Variants in KCNIP4 observed in about 807,000 individuals in gnomAD.
The protein encoded by KCNIP4 is potassium voltage-gated channel interacting protein 4.
KCNIP4 carries 12 observed loss-of-function variants against 34.0 expected under a neutral mutation model. The observed-to-expected ratio is 0.35, with a 90% confidence interval of 0.23 to 0.57. The LOEUF (loss-of-function observed/expected upper bound fraction) is 0.57, where lower values mean the gene tolerates loss of function less well. Among genes scored for constraint, KCNIP4 ranks in the 20% least tolerant of loss-of-function variants. The probability of loss-of-function intolerance (pLI) is 0.83; values close to 1 mark genes in which losing one functional copy is unlikely to be tolerated. For missense variants in KCNIP4, 238 were observed against 311.7 expected (o/e 0.76, Z 1.78); for synonymous variants, 124 against 102.2 (o/e 1.21, Z -1.29).
At chr4:21,220,735 T>C (rs961505260) in intron 1 of KCNIP4, among the ~76,000 whole-genome samples, 15 of 152,154 alleles carry the variant, frequency 9.9e-5, no homozygotes, top group Non-Finnish European at 1.3e-4. Context: ...GGTGACATTA[T>C]TTTAGCTGCT....
At chr4:21,250,853 T>C (rs1429022171) in intron 1 of KCNIP4, among the ~76,000 whole-genome samples, 2 of 150,920 alleles carry the variant, frequency 1.3e-5, no homozygotes, top group East Asian at 1.9e-4. Flanking sequence ...ATCAAACATA[T>C]GTTAAAATAG....
intron 1 of KCNIP4, among the ~76,000 whole-genome samples, chr4:20,998,607 T>C (rs1737787010): frequency 6.6e-6 from 1 of 152,246 alleles, no homozygotes; most frequent in Admixed American, 6.5e-5. Context: ...TGAAGTTGTC[T>C]TCAAGTCTGA....
intron 1 of KCNIP4, among the ~76,000 whole-genome samples, chr4:21,413,384 A>G (rs1055231767): frequency 1.3e-5 from 2 of 152,192 alleles, no homozygotes; most frequent in East Asian, 3.9e-4. Flanking sequence ...ACATGAACCA[A>G]TAAATGCTTT....
intron 1 of KCNIP4, among the ~76,000 whole-genome samples, chr4:21,494,486 A>G (rs181222084): frequency 4.5e-4 from 69 of 152,218 alleles, no homozygotes; most frequent in Admixed American, 2.0e-3. Flanking sequence ...AAAAATCCCT[A>G]TTAAGGTGCT....
At chr4:21,658,561 C>G (rs940195654) in intron 1 of KCNIP4, among the ~76,000 whole-genome samples, 3 of 152,036 alleles carry the variant, frequency 2.0e-5, no homozygotes, top group African/African-American at 7.2e-5. Context: ...GATTACCAGG[C>G]CTGGCTAATT....
At chr4:20,945,828 G>T (rs1424645432) in intron 1 of KCNIP4, among the ~76,000 whole-genome samples, 1 of 152,174 alleles carries the variant, frequency 6.6e-6, no homozygotes, top group African/African-American at 2.4e-5. Flanking sequence ...GATGATGTTC[G>T]ATTTGGGGAC....
At chr4:21,171,735 GC>G (rs1208720296) in intron 1 of KCNIP4, among the ~76,000 whole-genome samples, 1 of 152,152 alleles carries the variant, frequency 6.6e-6, no homozygotes, top group Non-Finnish European at 1.5e-5. Context: ...GTCATAGTTA[GC>G]TCCATGTTGC....
intron 1 of KCNIP4, among the ~76,000 whole-genome samples, chr4:20,932,604 C>A (rs1256563236): frequency 6.6e-6 from 1 of 152,036 alleles, no homozygotes; most frequent in East Asian, 1.9e-4. Context: ...ATGATAGATA[C>A]GTTAATTTGA....
At chr4:20,760,593 G>A (rs1428003990) in intron 3 of KCNIP4, among the ~76,000 whole-genome samples, 3 of 152,118 alleles carry the variant, frequency 2.0e-5, no homozygotes, top group Non-Finnish European at 4.4e-5. Context: ...AGAGCTTCTC[G>A]ATATGGTTTT....
At chr4:21,054,521 GAA>G (rs111426552) in intron 1 of KCNIP4, among the ~76,000 whole-genome samples, 1 of 98,496 alleles carries the variant, frequency 1.0e-5, no homozygotes, top group African/African-American at 3.5e-5. Flanking sequence ...CTCTGTCAAA[GAA>G]AAAAAAAAAA....
intron 3 of KCNIP4, among the ~76,000 whole-genome samples, chr4:20,826,076 T>C (rs989049812): frequency 6.6e-6 from 1 of 152,024 alleles, no homozygotes; most frequent in Non-Finnish European, 1.5e-5. Flanking sequence ...TGAAGACAGC[T>C]GAGAAACTAA....
At chr4:21,050,673 A>G (rs141496209) in intron 1 of KCNIP4, among the ~76,000 whole-genome samples, 5 of 152,340 alleles carry the variant, frequency 3.3e-5, no homozygotes, top group African/African-American at 1.2e-4. Context: ...CAGCTAAGTA[A>G]ACACTGATTA....
intron 8 of KCNIP4, chr4:20,731,305 C>CTTAAGTTA: frequency 1.3e-6 from 1 of 784,698 alleles, no homozygotes; most frequent in Non-Finnish European, 1.5e-6. Flanking sequence ...AAATCCTGGC[C>CTTAAGTTA]TTAAGTTATC....
chr4:20,796,119 G>A (rs1014916015), intron 3 of KCNIP4, among the ~76,000 whole-genome samples: 47 of 151,992 alleles, frequency 3.1e-4, no homozygotes, highest in African/African-American at 1.0e-3. Context: ...AAAATGTGTC[G>A]GATGTTTTCT....
chr4:20,756,482 C>T (rs1405683182), intron 4 of KCNIP4, among the ~76,000 whole-genome samples: 2 of 152,172 alleles, frequency 1.3e-5, no homozygotes, highest in Non-Finnish European at 2.9e-5. Flanking sequence ...GTCTTTTCTA[C>T]ATTAAAAGAT....
intron 1 of KCNIP4, among the ~76,000 whole-genome samples, chr4:21,913,050 C>T (rs976680181): frequency 6.6e-6 from 1 of 151,948 alleles, no homozygotes; most frequent in Non-Finnish European, 1.5e-5. Context: ...CAATCACTAA[C>T]CTATGGTGCC....
intron 1 of KCNIP4, among the ~76,000 whole-genome samples, chr4:21,114,096 T>C (rs1178003960): frequency 6.6e-6 from 1 of 152,192 alleles, no homozygotes; most frequent in African/African-American, 2.4e-5. Context: ...AGCTGTCCCA[T>C]AATCTGTACA....
chr4:20,895,066 C>A (rs938856201), intron 1 of KCNIP4, among the ~76,000 whole-genome samples: 1 of 152,210 alleles, frequency 6.6e-6, no homozygotes, highest in Non-Finnish European at 1.5e-5. Flanking sequence ...AATGTGAACA[C>A]TTGTTCATCT....
At chr4:21,104,613 T>C (rs568347482) in intron 1 of KCNIP4, among the ~76,000 whole-genome samples, 122 of 152,284 alleles carry the variant, frequency 8.0e-4, no homozygotes, top group African/African-American at 2.7e-3. Context: ...ATCCCATTTG[T>C]CAATTTTGGC....
Sources: gnomAD v4.1 joint callset for allele counts (sites outside exome capture counted in the v4.1 genomes callset) on GRCh38, gnomAD v4.1.1 for gene constraint, MANE v1.5 for transcripts, NCBI Gene and HGNC (gene_info 2026-07-23, HGNC 2026-07-21) for gene names.